The following TNKS variants were observed in gnomAD, a reference collection of about 807,000 sequenced individuals.
TNKS encodes poly [ADP-ribose] polymerase tankyrase-1.
Under a neutral mutation model 135.8 loss-of-function variants are expected in TNKS, and 72 were observed. The ratio of observed to expected loss-of-function variants is 0.53; its 90% CI spans 0.44 to 0.64. TNKS has a LOEUF of 0.64. TNKS is among the 30% of genes least tolerant of loss of function. TNKS has a pLI of 0.00. For synonymous variants in TNKS, 849 were observed against 649.3 expected (o/e 1.31, Z -4.68); for missense variants, 1,769 against 1,674.0 (o/e 1.06, Z -0.99).
intron 26 of TNKS, among the ~76,000 whole-genome samples, chr8:9,775,763 T>C (rs1386210108): frequency 6.6e-6 from 1 of 152,066 alleles, no homozygotes; most frequent in African/African-American, 2.4e-5. Context: ...TTGGTCAGCA[T>C]TGAACAAACT....
rs1808357781 is a variant in TNKS at position 9,779,064 on chromosome 8, T to G, written c.*2328T>G. 2.0e-5 allele frequency: 3 copies of G among 152,592 alleles called. No homozygotes were observed. The South Asian group carries it at 6.2e-4, about 32-fold the overall frequency. 9.5% of individuals were successfully genotyped at this position (152,592 alleles called of 1,614,324 possible). On this transcript the variant is annotated 3_prime_UTR_variant, in exon 27 of 27. Transcript: ENST00000310430. ...TGAAGGTACTGTGTAAGGAAGACATTTGCGGTGCTTCTTGTCCTATAATGA... is the reference window on the plus strand; with the variant it reads ...TGAAGGTACTGTGTAAGGAAGACATGTGCGGTGCTTCTTGTCCTATAATGA...
At chr8:9,596,987 C>T (rs910430990) in intron 2 of TNKS, among the ~76,000 whole-genome samples, 5 of 152,084 alleles carry the variant, frequency 3.3e-5, no homozygotes, top group African/African-American at 9.7e-5. Flanking sequence ...GAGTGGTATA[C>T]GAGGTATTAA....
At chr8:9,772,577 C>T (rs1807976581) in intron 26 of TNKS, among the ~76,000 whole-genome samples, 1 of 151,998 alleles carries the variant, frequency 6.6e-6, no homozygotes, top group Non-Finnish European at 1.5e-5. Context: ...CTTCTGCCCC[C>T]AACTGCATCC....
At chr8:9,589,586 G>A (rs1236319994) in intron 2 of TNKS, among the ~76,000 whole-genome samples, 4 of 152,220 alleles carry the variant, frequency 2.6e-5, no homozygotes, top group Non-Finnish European at 4.4e-5. Context: ...GCCCCACTTT[G>A]AGTTAGATGT....
At chr8:9,702,569 G>A (rs1325990021) in intron 5 of TNKS, among the ~76,000 whole-genome samples, 3 of 152,316 alleles carry the variant, frequency 2.0e-5, no homozygotes, top group East Asian at 1.9e-4. Context: ...TCCAGCAGAA[G>A]TATTCTTCTA....
In TNKS at chr8:9,556,036, C is replaced by A. The variant is rs1351750111; in HGVS notation, c.97C>A (p.Pro33Thr). 6.2e-7 allele frequency: 1 copy of A among 1,611,908 alleles called. No individual in the cohort carries two copies. ...GASAPPPPPP[P>T]PLSPGLAPGT... ...TTCAGCGCCGCCGCCGCCACCTCCT[C>A]CCCCACTCAGCCCTGGCCTGGCCCC... Residue 33 changes from proline (P) to threonine (T), a missense_variant, in exon 1 of 27, where the codon CCC becomes ACC. Pro to Thr is a conservative substitution (Grantham distance 38). Around this residue, in one of 5 missense-constraint regions of TNKS, gnomAD observed 450 missense variants for 304.9 expected, o/e 1.48. Coordinates refer to ENST00000310430, the MANE Select transcript of TNKS (RefSeq NM_003747.3).
chr8:9,706,955 G>A lies in TNKS; in HGVS notation c.1414G>A (p.Val472Met). Residue 472 changes from valine (V) to methionine (M), a missense_variant, in exon 8 of 27, where the codon GTG becomes ATG. This residue lies in a region of TNKS where 523 missense variants were observed against 541.0 expected (regional missense o/e 0.97). Coordinates refer to ENST00000310430, the MANE Select transcript of TNKS (RefSeq NM_003747.3). ...AGTCAACTGCCATGGCAAAAGTGCT[G>A]TGGATATGGCTCCAACTCCGGAGCT... ...TLVNCHGKSA[V>M]DMAPTPELRE... 1.2e-6 allele frequency: 2 copies of A among 1,612,680 alleles called. No homozygotes were observed. The highest frequency in any genetic ancestry group is 1.7e-6 in the Non-Finnish European group (2 of 1,179,482).
At position 9,579,216 on chromosome 8, in the gene TNKS, AT is replaced by A. The variant is rs145831420; in HGVS notation, c.674-942del. Among the ~76,000 whole-genome samples the A allele has an allele frequency of 8.0e-3, 1,215 of 152,262 alleles. 10 individuals carry two copies. The highest frequency in any genetic ancestry group is 0.022 in the African/African-American group (894 of 41,538). On this transcript the variant is annotated intron_variant, in intron 1 of 26. Transcript: ENST00000310430. ...GCTTGTATTCCCACTCATTTGCCAT[AT>A]CGTTTCCTCAAACTAAGTGAATCCA...
chr8:9,718,996 A>G (rs1457338275), intron 11 of TNKS, among the ~76,000 whole-genome samples: 3 of 152,232 alleles, frequency 2.0e-5, no homozygotes, highest in African/African-American at 7.2e-5. Flanking sequence ...TAGAATGTTC[A>G]CAATTTTAGA....
At position 9,615,621 on chromosome 8, in the gene TNKS, C is replaced by G. The variant is rs199953003; in HGVS notation, c.938C>G (p.Thr313Ser). The G allele has an allele frequency of 4.3e-6, 7 of 1,613,746 alleles. No homozygotes were observed. The African/African-American group carries it at 6.7e-5, about 15-fold the overall frequency. The change falls in exon 3 of 27, where the codon ACT (threonine) becomes AGT (serine). Residue 313 changes from threonine to serine, a missense_variant. Coordinates refer to ENST00000310430, the MANE Select transcript of TNKS (RefSeq NM_003747.3). ...QHGADPNIRN[T>S]DGKSALDLAD... ...GGAGCTGACCCAAACATTCGGAACA[C>G]TGATGGGAAATCAGCCCTGGACCTG... is the stretch of plus-strand genomic sequence containing the variant.
chr8:9,764,819 C>T (rs371966109), intron 23 of TNKS, 29 bp downstream of exon 23: 39 of 1,549,830 alleles, frequency 2.5e-5, no homozygotes, highest in Non-Finnish European at 3.3e-5. Flanking sequence ...ATGGTGAAAA[C>T]TGGATTGCAA....
At chr8:9,756,311 C>T (rs753622294) in intron 20 of TNKS, among the ~76,000 whole-genome samples, 32 of 152,026 alleles carry the variant, frequency 2.1e-4, no homozygotes, top group Non-Finnish European at 7.4e-5. Context: ...ACGTCTTTTT[C>T]ATTAAAACTA....
chr8:9,620,874 A>G (rs1799841184), intron 3 of TNKS, among the ~76,000 whole-genome samples: 1 of 152,200 alleles, frequency 6.6e-6, no homozygotes, highest in African/African-American at 2.4e-5. Context: ...CAGTAGAATG[A>G]AAGCATCATA....
Position 9,779,596 on chromosome 8 carries a change from C to T in TNKS, c.*2860C>T, listed in dbSNP as rs1464069014. 1 of 152,294 alleles carries T rather than the reference C, an allele frequency of 6.6e-6. No individual in the cohort carries two copies. Among genetic ancestry groups the T allele is most frequent in the East Asian group, 1.9e-4 (1 of 5,176 alleles). 9.4% of individuals were successfully genotyped at this position (152,294 alleles called of 1,614,324 possible). ...CTCCCTGTATTTGACCTCCTTCCCT[C>T]TTTCCTAAATTACTAGTCTGGAATT... is the stretch of plus-strand genomic sequence containing the variant. On this transcript the variant is annotated 3_prime_UTR_variant, in exon 27 of 27. Transcript: ENST00000310430.
chr8:9,562,423 C>T (rs899637943), intron 1 of TNKS, among the ~76,000 whole-genome samples: 3 of 152,082 alleles, frequency 2.0e-5, no homozygotes, highest in African/African-American at 7.2e-5. Flanking sequence ...CATAGAAGTT[C>T]TCATACATAT....
At chr8:9,743,676 C>T (rs1161931659) in intron 17 of TNKS, 1 of 152,682 alleles carries the variant, frequency 6.5e-6, no homozygotes, top group Admixed American at 6.5e-5. Flanking sequence ...TCTTTCAAGC[C>T]CAAGAGTTCA....
At chr8:9,746,623 T>C (rs1035892894) in intron 17 of TNKS, among the ~76,000 whole-genome samples, 1 of 152,144 alleles carries the variant, frequency 6.6e-6, no homozygotes, top group Non-Finnish European at 1.5e-5. Flanking sequence ...ATTTATCAAG[T>C]AGCTACAACT....
chr8:9,758,893 C>A (rs1806993797), intron 20 of TNKS, among the ~76,000 whole-genome samples: 1 of 152,222 alleles, frequency 6.6e-6, no homozygotes, highest in Admixed American at 6.5e-5. Flanking sequence ...CACGATCTCT[C>A]ACAAGGCTAC....
At chr8:9,675,367 C>G (rs1802490204) in intron 3 of TNKS, among the ~76,000 whole-genome samples, 2 of 152,196 alleles carry the variant, frequency 1.3e-5, no homozygotes, top group Admixed American at 6.5e-5. Context: ...ACTTAGCACT[C>G]TGGAATATAA....
Sources: allele counts gnomAD v4.1 joint callset (sites outside exome capture counted in the v4.1 genomes callset), GRCh38; gene constraint gnomAD v4.1.1; regional missense constraint gnomAD v4.1.1; transcripts MANE v1.5; gene names NCBI Gene and HGNC (gene_info 2026-07-23, HGNC 2026-07-21).